Variants in ASIC2 observed in about 807,000 individuals in gnomAD.
The protein encoded by ASIC2 is acid sensing ion channel subunit 2, also known as acid-sensing ion channel 2.
In ASIC2, 25 loss-of-function variants were observed where a neutral mutation model predicts 57.3. The ratio of observed to expected loss-of-function variants is 0.44; its 90% CI spans 0.32 to 0.61. The LOEUF (loss-of-function observed/expected upper bound fraction) is 0.61, where lower values mean the gene tolerates loss of function less well. ASIC2 is among the 20% of genes least tolerant of loss of function. ASIC2 has a pLI of 0.06. For missense variants in ASIC2, 641 were observed against 738.1 expected (o/e 0.87, Z 1.52); for synonymous variants, 319 against 307.5 (o/e 1.04, Z -0.39).
chr17:33,129,740 T>C (rs1403189915), intron 1 of ASIC2, among the ~76,000 whole-genome samples: 9 of 152,170 alleles, frequency 5.9e-5, no homozygotes, highest in Non-Finnish European at 1.3e-4. Flanking sequence ...ACTCATTCCT[T>C]GTCTATGAGG....
intron 1 of ASIC2, among the ~76,000 whole-genome samples, chr17:33,753,378 T>A (rs1910493889): frequency 2.0e-5 from 3 of 152,220 alleles, no homozygotes; most frequent in Non-Finnish European, 4.4e-5. Context: ...TGTATGATAC[T>A]GTAGTAGTGG....
chr17:34,052,480 G>A (rs1908605867), intron 1 of ASIC2, among the ~76,000 whole-genome samples: 3 of 152,178 alleles, frequency 2.0e-5, no homozygotes, highest in Admixed American at 1.3e-4. Context: ...ACTTTGGACT[G>A]TAGAACATGT....
rs1003284046 is a variant in ASIC2 at position 33,106,223 on chromosome 17, T to C, written c.859+5694A>G. 9.9e-5 allele frequency among the ~76,000 whole-genome samples: 15 copies of C among 152,132 alleles called. No individual in the cohort carries two copies. In the East Asian group the frequency reaches 2.9e-3, roughly 29 times the overall value. ...GGTTAACAAGGTGAGGGGAGGGCAA[T>C]AGGAGCTGAGGAAGCTGGAGGGATA... On this transcript the variant is annotated intron_variant, in intron 2 of 9. Transcript: ENST00000225823.
chr17:33,106,632 T>A (rs767248979), intron 2 of ASIC2, among the ~76,000 whole-genome samples: 1 of 152,170 alleles, frequency 6.6e-6, no homozygotes, highest in Non-Finnish European at 1.5e-5. Context: ...GCAACCACCA[T>A]CGGCCCAACT....
intron 1 of ASIC2, among the ~76,000 whole-genome samples, chr17:33,513,387 G>A (rs1472853545): frequency 6.6e-6 from 1 of 152,200 alleles, no homozygotes; most frequent in Admixed American, 6.5e-5. Flanking sequence ...GTGTCCCATA[G>A]GCTTTGATGT....
chr17:33,951,925 T>A (rs559381855), intron 1 of ASIC2, among the ~76,000 whole-genome samples: 14 of 152,236 alleles, frequency 9.2e-5, no homozygotes, highest in African/African-American at 3.4e-4. Context: ...AGAACCCTTT[T>A]CTTTTCAATA....
chr17:33,811,027 G>A (rs1268948593), intron 1 of ASIC2, among the ~76,000 whole-genome samples: 2 of 152,198 alleles, frequency 1.3e-5, no homozygotes, highest in Admixed American at 6.5e-5. Context: ...GGCTTCCATG[G>A]CAGAAGGTAT....
chr17:34,021,676 C>T (rs1292853832), intron 1 of ASIC2, among the ~76,000 whole-genome samples: 2 of 152,106 alleles, frequency 1.3e-5, no homozygotes, highest in African/African-American at 2.4e-5. Context: ...ATGAGATCAG[C>T]GTTGAGTTTG....
chr17:33,071,080 G>GTAGTTTTCTTCATGTT (rs1567734065), intron 3 of ASIC2, among the ~76,000 whole-genome samples: 1 of 152,046 alleles, frequency 6.6e-6, no homozygotes, highest in Non-Finnish European at 1.5e-5. Flanking sequence ...TGACTTTGCT[G>GTAGTTTTCTTCATGTT]TAGTTTTCTT....
intron 1 of ASIC2, chr17:34,005,076 GCACAGCCCCCTTT>G (rs1906479926): frequency 6.6e-6 from 1 of 152,096 alleles, no homozygotes; most frequent in African/African-American, 2.4e-5. Context: ...TGAGGGGTGA[GCACAGCCCCCTTT>G]CACATCTCCC....
intron 1 of ASIC2, among the ~76,000 whole-genome samples, chr17:33,488,035 T>A (rs1411055802): frequency 6.6e-6 from 1 of 152,228 alleles, no homozygotes; most frequent in East Asian, 1.9e-4. Flanking sequence ...CTTTCATATA[T>A]ACATAGATCC....
chr17:33,856,933 G>C (rs1389876931), intron 1 of ASIC2, among the ~76,000 whole-genome samples: 1 of 152,086 alleles, frequency 6.6e-6, no homozygotes, highest in Admixed American at 6.6e-5. Flanking sequence ...GTGTGGGCTT[G>C]TCTTGTAGTC....
chr17:33,922,630 T>A (rs778043595), intron 1 of ASIC2, among the ~76,000 whole-genome samples: 1 of 152,248 alleles, frequency 6.6e-6, no homozygotes, highest in Non-Finnish European at 1.5e-5. Flanking sequence ...CTATACTATA[T>A]GTTTTACACA....
chr17:33,801,477 G>T (rs948988250), intron 1 of ASIC2, among the ~76,000 whole-genome samples: 2 of 152,054 alleles, frequency 1.3e-5, no homozygotes, highest in African/African-American at 4.8e-5. Context: ...TTATGGTTTG[G>T]GTGGAGTCAG....
At chr17:33,445,797 C>CAAAAAAAAA (rs60125160) in intron 1 of ASIC2, among the ~76,000 whole-genome samples, 1 of 120,964 alleles carries the variant, frequency 8.3e-6, no homozygotes. Flanking sequence ...AACTCCATCT[C>CAAAAAAAAA]AAAAAAAAAA....
At chr17:33,684,330 G>C (rs985111404) in intron 1 of ASIC2, among the ~76,000 whole-genome samples, 20 of 151,610 alleles carry the variant, frequency 1.3e-4, no homozygotes, top group Non-Finnish European at 2.2e-4. Context: ...GGTGGGGAGG[G>C]GGGTGCTCTT....
At chr17:33,419,143 T>C (rs543384299) in intron 1 of ASIC2, among the ~76,000 whole-genome samples, 3 of 152,222 alleles carry the variant, frequency 2.0e-5, no homozygotes. Flanking sequence ...AGGGAGCCCA[T>C]GCCTTGTCTG....
At chr17:34,016,547 A>G (rs1354191081) in intron 1 of ASIC2, among the ~76,000 whole-genome samples, 2 of 152,204 alleles carry the variant, frequency 1.3e-5, no homozygotes, top group African/African-American at 4.8e-5. Context: ...ACAAATAGTG[A>G]AAATAAAACC....
intron 1 of ASIC2, among the ~76,000 whole-genome samples, chr17:33,608,255 T>G (rs1905276767): frequency 1.3e-5 from 2 of 152,092 alleles, no homozygotes; most frequent in Non-Finnish European, 2.9e-5. Context: ...TTGCCCTTTT[T>G]TAGAGGGTGA....
Sources: gnomAD v4.1 joint callset for allele counts (sites outside exome capture counted in the v4.1 genomes callset) on GRCh38, gnomAD v4.1.1 for gene constraint, MANE v1.5 for transcripts, NCBI Gene and HGNC (gene_info 2026-07-23, HGNC 2026-07-21) for gene names.